ASTN2: variants seen among roughly 807,000 people sequenced by gnomAD.
The protein encoded by ASTN2 is astrotactin 2.
In ASTN2, 54 loss-of-function variants were observed where a neutral mutation model predicts 139.8. The observed-to-expected ratio is 0.39, with a 90% confidence interval of 0.31 to 0.48. The LOEUF is 0.48. Among genes scored for constraint, ASTN2 ranks in the 20% least tolerant of loss-of-function variants. The pLI, the probability that ASTN2 is intolerant of heterozygous loss-of-function variation, is 0.95. For synonymous variants in ASTN2, 756 were observed against 719.5 expected, an observed-to-expected ratio of 1.05 and a Z score of -0.81; for missense variants, 1,565 against 1,725.1, an observed-to-expected ratio of 0.91 and a Z score of 1.64.
intron 5 of ASTN2, among the ~76,000 whole-genome samples, chr9:117,073,852 G>A (rs1159806603): frequency 6.6e-6 from 1 of 152,168 alleles, no homozygotes; most frequent in Non-Finnish European, 1.5e-5. Flanking sequence ...GACTTCACCA[G>A]GTGAGGCTGA....
At chr9:116,823,992 A>G (rs1831556273) in intron 11 of ASTN2, among the ~76,000 whole-genome samples, 1 of 152,330 alleles carries the variant, frequency 6.6e-6, no homozygotes, top group Middle Eastern at 3.4e-3. Flanking sequence ...ATGTTATAAT[A>G]GTATGGACCA....
chr9:117,314,527 C>T (rs2130820883), intron 1 of ASTN2, among the ~76,000 whole-genome samples: 1 of 150,196 alleles, frequency 6.7e-6, no homozygotes, highest in South Asian at 2.1e-4. Flanking sequence ...AGATCTAAAC[C>T]AAGTAGGGTT....
intron 20 of ASTN2, among the ~76,000 whole-genome samples, chr9:116,479,486 T>C (rs1270303412): frequency 6.6e-6 from 1 of 151,936 alleles, no homozygotes; most frequent in East Asian, 1.9e-4. Flanking sequence ...CCCTGGGCTT[T>C]TGGAATAGGA....
At position 117,414,092 on chromosome 9, in the gene ASTN2, G is replaced by T. The variant is rs1007639704; in HGVS notation, c.442+405C>A. Among the ~76,000 whole-genome samples the T allele has an allele frequency of 6.6e-6, 1 of 152,196 alleles. No individual in the cohort carries two copies. Among genetic ancestry groups the T allele is most frequent in the African/African-American group, 2.4e-5 (1 of 41,458 alleles). On this transcript the variant is annotated intron_variant, in intron 1 of 22. Coordinates refer to ENST00000313400, the MANE Select transcript of ASTN2 (RefSeq NM_001365068.1). The surrounding 1 kb of genome is among the most constrained non-coding windows in gnomAD (Gnocchi z 4.2). ...GAGGCGAGAGCGAGGGGGCGGTGAC[G>T]GCGGGTGGCCAGTGACGGTACCCGG...
chr9:116,440,730 C>T lies in ASTN2; in HGVS notation c.3661G>A (p.Ala1221Thr). 4 of 1,614,150 alleles carry T rather than the reference C, an allele frequency of 2.5e-6. No homozygotes were observed. Among genetic ancestry groups the T allele is most frequent in the Non-Finnish European group, 3.4e-6 (4 of 1,179,996 alleles). ...GAGACCTCCATCAGTGTGTTGTAGGCCATCTGCTGCTCCTTTCCACTTGTG... is the reference window on the plus strand; with the variant it reads ...GAGACCTCCATCAGTGTGTTGTAGGTCATCTGCTGCTCCTTTCCACTTGTG... Reference protein sequence around the residue: ...GYTSGKEQQMAYNTLMEVSAS... With the variant: ...GYTSGKEQQMTYNTLMEVSAS... Residue 1221 changes from alanine to threonine, a missense_variant, in exon 22 of 23, where the codon GCC (alanine) becomes ACC (threonine). Transcript: ENST00000313400.
intron 12 of ASTN2, among the ~76,000 whole-genome samples, chr9:116,808,227 T>G (rs186167817): frequency 9.9e-5 from 15 of 152,228 alleles, no homozygotes; most frequent in African/African-American, 3.6e-4. Flanking sequence ...GTCACCATTG[T>G]TAATTTTTAT....
chr9:116,492,592 C>A (rs1849549827), intron 19 of ASTN2, among the ~76,000 whole-genome samples: 1 of 152,088 alleles, frequency 6.6e-6, no homozygotes. Flanking sequence ...CTTGTACCAG[C>A]CAACTTATGA....
chr9:117,320,555 A>C (rs117519975), intron 1 of ASTN2, among the ~76,000 whole-genome samples: 2 of 152,308 alleles, frequency 1.3e-5, no homozygotes, highest in African/African-American at 2.4e-5. Flanking sequence ...TCCAAAAGTC[A>C]CAGAGTTGAA....
chr9:116,821,241 C>T (rs1008671701), intron 11 of ASTN2, among the ~76,000 whole-genome samples: 1 of 152,162 alleles, frequency 6.6e-6, no homozygotes, highest in African/African-American at 2.4e-5. Flanking sequence ...TCCAGCTTTT[C>T]CTCTTCTCAC....
At chr9:116,935,848 A>C (rs1338007406) in intron 10 of ASTN2, among the ~76,000 whole-genome samples, 1 of 152,150 alleles carries the variant, frequency 6.6e-6, no homozygotes, top group Non-Finnish European at 1.5e-5. Flanking sequence ...CACCGTTATC[A>C]CACTTTACCA....
chr9:116,845,519 T>C (rs1832402511), intron 11 of ASTN2, among the ~76,000 whole-genome samples: 1 of 152,030 alleles, frequency 6.6e-6, no homozygotes, highest in East Asian at 1.9e-4. Flanking sequence ...TGGCTTATGA[T>C]AAAAAATGTG....
At chr9:116,855,547 G>A (rs1182740187) in intron 11 of ASTN2, among the ~76,000 whole-genome samples, 1 of 152,198 alleles carries the variant, frequency 6.6e-6, no homozygotes, top group African/African-American at 2.4e-5. Flanking sequence ...CAGTGGAGGA[G>A]AAATAAATAC....
chr9:116,637,434 T>C (rs566485312), intron 17 of ASTN2, among the ~76,000 whole-genome samples: 1 of 152,284 alleles, frequency 6.6e-6, no homozygotes, highest in African/African-American at 2.4e-5. Context: ...ATTTTACCGA[T>C]GGTAAAACAA....
chr9:117,122,245 G>A (rs1375913743), intron 4 of ASTN2, among the ~76,000 whole-genome samples: 2 of 152,318 alleles, frequency 1.3e-5, no homozygotes, highest in Non-Finnish European at 1.5e-5. Flanking sequence ...TAATCTAGCA[G>A]AAGTCATGAG....
At chr9:116,757,083 T>C (rs1254363586) in intron 13 of ASTN2, among the ~76,000 whole-genome samples, 1 of 152,164 alleles carries the variant, frequency 6.6e-6, no homozygotes, top group Non-Finnish European at 1.5e-5. Context: ...CCTTCCCTTT[T>C]TTTGAGGACT....
At chr9:116,561,791 T>G (rs184668319) in intron 19 of ASTN2, among the ~76,000 whole-genome samples, 1 of 152,348 alleles carries the variant, frequency 6.6e-6, no homozygotes, top group East Asian at 1.9e-4. Context: ...TGAGACTATT[T>G]GAGAAGGTAG....
At chr9:116,538,644 C>G (rs188313494) in intron 19 of ASTN2, among the ~76,000 whole-genome samples, 3 of 152,266 alleles carry the variant, frequency 2.0e-5, no homozygotes, top group Admixed American at 6.5e-5. Flanking sequence ...AGGAAAAGTA[C>G]TTAAAATTAT....
At chr9:116,763,609 T>C (rs1017702040) in intron 13 of ASTN2, among the ~76,000 whole-genome samples, 13 of 151,992 alleles carry the variant, frequency 8.6e-5, no homozygotes, top group Non-Finnish European at 2.9e-5. Context: ...TAGAGTCAGC[T>C]AGACCTGGAT....
intron 3 of ASTN2, among the ~76,000 whole-genome samples, chr9:117,184,528 T>C (rs10983565): frequency 0.13 from 19,711 of 152,212 alleles, 1,491 homozygotes; most frequent in African/African-American, 0.2. Flanking sequence ...TGACATGGAC[T>C]GGAGACTGGC....
Sources: allele counts gnomAD v4.1 joint callset (sites outside exome capture counted in the v4.1 genomes callset), GRCh38; gene constraint gnomAD v4.1.1; non-coding constraint Gnocchi (gnomAD v3.1); transcripts MANE v1.5; gene names NCBI Gene and HGNC (gene_info 2026-07-23, HGNC 2026-07-21).